Variants in PLEKHG7 observed in about 807,000 individuals in gnomAD.
The protein encoded by PLEKHG7 is pleckstrin homology domain-containing family G member 7.
PLEKHG7 carries 77 observed loss-of-function variants against 85.2 expected under a neutral mutation model. The ratio of observed to expected loss-of-function variants is 0.90; its 90% CI spans 0.75 to 1.09. PLEKHG7 has a LOEUF of 1.09. Among genes scored for constraint, PLEKHG7 ranks in the 50% least tolerant of loss-of-function variants. The pLI, the probability that PLEKHG7 is intolerant of heterozygous loss-of-function variation, is 0.00. For synonymous variants in PLEKHG7, 301 were observed against 302.4 expected (o/e 1.00, Z 0.05); for missense variants, 777 against 804.3 (o/e 0.97, Z 0.41).
In PLEKHG7 at chr12:92,761,831, G is replaced by A. The variant is rs372850462; in HGVS notation, c.1716G>A (p.Lys572=). 1 of 1,569,402 alleles carries A rather than the reference G, an allele frequency of 6.4e-7. No homozygotes were observed. The highest frequency in any genetic ancestry group is 2.0e-5 in the Admixed American group (1 of 50,098). The change falls in exon 14 of 17, where the codon AAG becomes AAA. Residue 572 remains lysine, a splice_region_variant and synonymous_variant. Coordinates refer to ENST00000344636, the MANE Select transcript of PLEKHG7 (RefSeq NM_001377329.1). The part of the protein sequence containing the change: ...LLVTKTKCNK[K]KLGGSDPGLM... ...TTACGAAAACTAAGTGCAACAAAAAGGTAAAATGCTGCTATTTCAAAGTAC... is the reference window on the plus strand; with the variant it reads ...TTACGAAAACTAAGTGCAACAAAAAAGTAAAATGCTGCTATTTCAAAGTAC...
intron 3 of PLEKHG7, among the ~76,000 whole-genome samples, chr12:92,723,954 T>C (rs1342953072): frequency 1.3e-5 from 2 of 152,182 alleles, no homozygotes; most frequent in African/African-American, 4.8e-5. Flanking sequence ...CTCACAATAG[T>C]CCATTTTTTT....
rs762766578 is a variant in PLEKHG7 at position 92,761,670 on chromosome 12, GAA to G, written c.1637-80_1637-79del. ...AGAAAGAAAGAAAGAAAGAAAGAAA[GAA>G]AGAAAGAAAGAAAGGGAAAGAAAAA... On this transcript the variant is annotated intron_variant, in intron 13 of 16. Coordinates refer to ENST00000344636, the MANE Select transcript of PLEKHG7 (RefSeq NM_001377329.1). 5 of 1,278,758 alleles carry G rather than the reference GAA, an allele frequency of 3.9e-6. No individual in the cohort carries two copies. In the South Asian group the frequency reaches 7.4e-5, roughly 19 times the overall value. 79.2% of individuals were successfully genotyped at this position (1,278,758 alleles called of 1,614,324 possible).
Position 92,741,372 on chromosome 12 carries a change from T to G in PLEKHG7, c.1036-119T>G, listed in dbSNP as rs56832235. 4,907 of 512,978 alleles carry G rather than the reference T, an allele frequency of 9.6e-3. 206 individuals carry two copies. Among genetic ancestry groups the G allele is most frequent in the African/African-American group, 0.082 (4,197 of 51,426 alleles). The allele number at this position is 512,978 out of a possible 1,614,324, so 31.8% of individuals were successfully genotyped here. A position where few individuals can be genotyped will look rare whatever the true frequency, so the allele number is the denominator to read the frequency against. On this transcript the variant is annotated intron_variant, in intron 8 of 16. Transcript: ENST00000344636. ...TGGAGGAAATAAATCTTTGAATTTT[T>G]CTAGGAGATATATTTGAAATGGGAA... is the stretch of plus-strand genomic sequence containing the variant.
rs184803312 is a variant in PLEKHG7 at position 92,718,647 on chromosome 12, C to T, written c.531-10346C>T. ...CTCCAACTATTTATCTGACTCCCTC[C>T]AGCTCCTCTTGACCTCCTCGATCTT... On this transcript the variant is annotated intron_variant, in intron 3 of 16. Transcript: ENST00000344636. 5.3e-4 allele frequency among the ~76,000 whole-genome samples: 80 copies of T among 152,304 alleles called. 2 individuals carry two copies. The East Asian group carries it at 0.015, about 28-fold the overall frequency.
At chr12:92,747,550 C>T (rs1306672744) in intron 10 of PLEKHG7, among the ~76,000 whole-genome samples, 1 of 152,198 alleles carries the variant, frequency 6.6e-6, no homozygotes, top group African/African-American at 2.4e-5. Flanking sequence ...AGCAATCCCA[C>T]CACTAGGTGT....
At chr12:92,705,386 G>A (rs781711584) in intron 1 of PLEKHG7, among the ~76,000 whole-genome samples, 2 of 152,168 alleles carry the variant, frequency 1.3e-5, no homozygotes, top group Non-Finnish European at 2.9e-5. Flanking sequence ...CCCTAGAAAA[G>A]TTCTACTAAA....
At chr12:92,758,741 A>G (rs1222257716) in intron 13 of PLEKHG7, among the ~76,000 whole-genome samples, 2 of 152,254 alleles carry the variant, frequency 1.3e-5, no homozygotes, top group Non-Finnish European at 2.9e-5. Context: ...AAATTCCATC[A>G]GAGATGGAGA....
At position 92,721,433 on chromosome 12, in the gene PLEKHG7, C is replaced by T. The variant is rs914788886; in HGVS notation, c.531-7560C>T. The T allele has an allele frequency of 1.1e-5, 14 of 1,226,464 alleles. No homozygotes were observed. The Admixed American group carries it at 2.1e-4, about 19-fold the overall frequency. The allele number at this position is 1,226,464 out of a possible 1,614,324, so 76.0% of individuals were successfully genotyped here. A position where few individuals can be genotyped will look rare whatever the true frequency, so the allele number is the denominator to read the frequency against. On this transcript the variant is annotated intron_variant, in intron 3 of 16. Transcript: ENST00000344636. ...TTCAGCAGAGCATAGAATAAGGAGA[C>T]GTTCTGGTACCAGAAGGGAGACGAG...
chr12:92,753,812 G>T (rs574584224), intron 10 of PLEKHG7, among the ~76,000 whole-genome samples: 2 of 152,182 alleles, frequency 1.3e-5, no homozygotes, highest in African/African-American at 4.8e-5. Context: ...TCCCCTGAAG[G>T]CCAGGGAAGA....
intron 10 of PLEKHG7, among the ~76,000 whole-genome samples, chr12:92,746,409 G>A (rs1204118222): frequency 6.6e-6 from 1 of 152,248 alleles, no homozygotes; most frequent in African/African-American, 2.4e-5. Flanking sequence ...GCCTTGATAT[G>A]CCAGGAAGCC....
chr12:92,747,526 A>G (rs1385879343), intron 10 of PLEKHG7, among the ~76,000 whole-genome samples: 7 of 152,344 alleles, frequency 4.6e-5, no homozygotes, highest in Non-Finnish European at 1.0e-4. Context: ...CTAAAAATAA[A>G]ACTACCATTA....
chr12:92,750,942 CAATA>C (rs5800084), intron 10 of PLEKHG7, among the ~76,000 whole-genome samples: 4 of 150,362 alleles, frequency 2.7e-5, no homozygotes, highest in Admixed American at 6.6e-5. Flanking sequence ...TACCCTGTCT[CAATA>C]AATAAATAAA....
intron 3 of PLEKHG7, among the ~76,000 whole-genome samples, chr12:92,716,487 G>A (rs996856300): frequency 3.9e-5 from 6 of 152,158 alleles, no homozygotes; most frequent in Admixed American, 3.3e-4. Flanking sequence ...TTGCTCTCAC[G>A]TTTTTCTTTG....
chr12:92,726,838 T>C (rs942456033), intron 3 of PLEKHG7, among the ~76,000 whole-genome samples: 6 of 152,176 alleles, frequency 3.9e-5, no homozygotes, highest in Non-Finnish European at 8.8e-5. Flanking sequence ...CTAACACTAT[T>C]TCTCATTTTT....
At chr12:92,761,721 T>C (rs1416274345) in intron 13 of PLEKHG7, 31 bp from the exon 14 acceptor site, 1 of 1,538,220 alleles carries the variant, frequency 6.5e-7, no homozygotes. Context: ...CAGTTTCAGG[T>C]CCCCATTTCA....
At position 92,764,031 on chromosome 12, in the gene PLEKHG7, T is replaced by A. The variant is rs200207627; in HGVS notation, c.1717-10T>A. 6.3e-7 allele frequency: 1 copy of A among 1,593,334 alleles called. No homozygotes were observed. On this transcript the variant is annotated splice_polypyrimidine_tract_variant and intron_variant, in intron 14 of 16. Coordinates refer to ENST00000344636, the MANE Select transcript of PLEKHG7 (RefSeq NM_001377329.1). ...CTTGTTTATTGCATTATTTTTCTTGTTAATTTCAGAAACTTGGAGGCTCAG... is the reference window on the plus strand; with the variant it reads ...CTTGTTTATTGCATTATTTTTCTTGATAATTTCAGAAACTTGGAGGCTCAG...
At chr12:92,723,348 A>AAGAATCT (rs1401912119) in intron 3 of PLEKHG7, among the ~76,000 whole-genome samples, 3 of 152,208 alleles carry the variant, frequency 2.0e-5, no homozygotes, top group Non-Finnish European at 4.4e-5. Flanking sequence ...GAATCTACAA[A>AAGAATCT]ACATAAGATA....
At chr12:92,730,277 G>A (rs1176578712) in intron 4 of PLEKHG7, among the ~76,000 whole-genome samples, 1 of 152,174 alleles carries the variant, frequency 6.6e-6, no homozygotes, top group African/African-American at 2.4e-5. Context: ...CTAGAAATCT[G>A]AGCTAGTTCT....
intron 10 of PLEKHG7, among the ~76,000 whole-genome samples, chr12:92,749,957 A>ATTT (rs1555195929): frequency 8.3e-6 from 1 of 121,154 alleles, no homozygotes; most frequent in Non-Finnish European, 1.7e-5. Context: ...ATTTTATTTT[A>ATTT]TATTTTATTT....
Sources: allele counts gnomAD v4.1 joint callset (sites outside exome capture counted in the v4.1 genomes callset), GRCh38; gene constraint gnomAD v4.1.1; transcripts MANE v1.5; gene names NCBI Gene and HGNC (gene_info 2026-07-23, HGNC 2026-07-21).